UNC5D: variants seen among roughly 807,000 people sequenced by gnomAD.
UNC5D encodes the protein unc-5 netrin receptor D.
A neutral mutation model predicts 105.4 loss-of-function variants in UNC5D; 39 were observed. That is an observed-to-expected ratio of 0.37 (90% CI 0.29 to 0.48). The LOEUF is 0.48. Among genes scored for constraint, UNC5D ranks in the 20% least tolerant of loss-of-function variants. The probability of loss-of-function intolerance (pLI) is 0.98; values close to 1 mark genes in which losing one functional copy is unlikely to be tolerated. For missense variants in UNC5D, 991 were observed against 1,202.4 expected (o/e 0.82, Z 2.60); for synonymous variants, 452 against 450.4 (o/e 1.00, Z -0.04).
At chr8:35,519,919 T>C (rs1330102808) in intron 1 of UNC5D, among the ~76,000 whole-genome samples, 1 of 152,024 alleles carries the variant, frequency 6.6e-6, no homozygotes, top group African/African-American at 2.4e-5. Context: ...TGATAATAAG[T>C]GTTTGCAAGG....
At chr8:35,722,433 G>A in intron 9 of UNC5D, 38 bp downstream of exon 9, 1 of 1,596,210 alleles carries the variant, frequency 6.3e-7, no homozygotes, top group Non-Finnish European at 8.5e-7. Context: ...CGTCCTCAGT[G>A]CCATAGACTA....
intron 4 of UNC5D, among the ~76,000 whole-genome samples, chr8:35,641,221 C>T (rs1278838524): frequency 1.3e-5 from 2 of 151,856 alleles, no homozygotes; most frequent in Admixed American, 1.3e-4. Flanking sequence ...TATTCATCTC[C>T]TCATTTGATA....
chr8:35,473,665 G>A (rs552763324), intron 1 of UNC5D, among the ~76,000 whole-genome samples: 9 of 152,256 alleles, frequency 5.9e-5, no homozygotes, highest in Middle Eastern at 3.4e-3. Context: ...AAACCACCAG[G>A]ATGATTACAT....
At chr8:35,715,940 A>T (rs1159587706) in intron 8 of UNC5D, among the ~76,000 whole-genome samples, 1 of 152,208 alleles carries the variant, frequency 6.6e-6, no homozygotes, top group East Asian at 1.9e-4. Context: ...AACAAAGTTC[A>T]GAGCAGCTGT....
At chr8:35,248,621 T>A (rs1347468756) in intron 1 of UNC5D, among the ~76,000 whole-genome samples, 2 of 96,472 alleles carry the variant, frequency 2.1e-5, no homozygotes, top group Non-Finnish European at 3.6e-5. Flanking sequence ...AGATATAATA[T>A]ATAAATATAT....
At chr8:35,610,597 T>C (rs1336941580) in intron 4 of UNC5D, among the ~76,000 whole-genome samples, 28 of 151,994 alleles carry the variant, frequency 1.8e-4, no homozygotes, top group Admixed American at 1.8e-3. Flanking sequence ...TCCTAGGAGA[T>C]CGGATGCCTA....
Position 35,686,531 on chromosome 8 carries a change from G to C in UNC5D, c.920-14G>C. 6.5e-7 allele frequency: 1 copy of C among 1,546,562 alleles called. No homozygotes were observed. The highest frequency in any genetic ancestry group is 8.7e-7 in the Non-Finnish European group (1 of 1,154,396). ...ATTCATTCTAACAATGGTTTCTTTT[G>C]TTTCCCTTTGAAGTGGATGGGAGCT... On this transcript the variant is annotated splice_polypyrimidine_tract_variant and intron_variant, in intron 6 of 16. Transcript: ENST00000404895.
intron 4 of UNC5D, among the ~76,000 whole-genome samples, chr8:35,606,936 A>G (rs1001179623): frequency 2.0e-5 from 3 of 152,164 alleles, no homozygotes; most frequent in Non-Finnish European, 4.4e-5. Flanking sequence ...GGTGAGCAGC[A>G]TGCCCATCTG....
chr8:35,538,961 T>C (rs578059815), intron 1 of UNC5D, among the ~76,000 whole-genome samples: 17 of 152,152 alleles, frequency 1.1e-4, no homozygotes, highest in South Asian at 8.3e-4. Context: ...ACTAAAGATA[T>C]AAATTTTGGT....
rs1274180096 is a variant in UNC5D at position 35,306,153 on chromosome 8, A to G, written c.103+70266A>G. ...GAATTTGTCTTAAACTATACAGAAGACTGAATAAATGATTTGAGGTATATG... is the reference window on the plus strand; with the variant it reads ...GAATTTGTCTTAAACTATACAGAAGGCTGAATAAATGATTTGAGGTATATG... On this transcript the variant is annotated intron_variant, in intron 1 of 16. Transcript: ENST00000404895. Among the ~76,000 whole-genome samples the G allele has an allele frequency of 3.3e-5, 5 of 151,966 alleles. 1 individual carries two copies. In the Middle Eastern group the frequency reaches 0.01, roughly 310 times the overall value.
intron 1 of UNC5D, among the ~76,000 whole-genome samples, chr8:35,272,226 G>A (rs951802376): frequency 3.3e-5 from 5 of 152,172 alleles, no homozygotes; most frequent in African/African-American, 1.2e-4. Flanking sequence ...ATTACTTGAA[G>A]TATATTTTCA....
At chr8:35,295,930 G>A (rs1467701754) in intron 1 of UNC5D, among the ~76,000 whole-genome samples, 2 of 152,218 alleles carry the variant, frequency 1.3e-5, no homozygotes, top group East Asian at 3.9e-4. Flanking sequence ...CAGTATTTGT[G>A]TTTCCCTGTC....
intron 1 of UNC5D, among the ~76,000 whole-genome samples, chr8:35,245,416 C>T (rs1428203610): frequency 6.6e-6 from 1 of 152,040 alleles, no homozygotes; most frequent in Admixed American, 6.6e-5. Context: ...GCCCTTGTTT[C>T]TCTCTCAGTC....
chr8:35,486,937 G>T (rs1446367313), intron 1 of UNC5D, among the ~76,000 whole-genome samples: 1 of 152,088 alleles, frequency 6.6e-6, no homozygotes, highest in Non-Finnish European at 1.5e-5. Flanking sequence ...TGTGAGATGG[G>T]ATTCTCAGTT....
At position 35,669,593 on chromosome 8, in the gene UNC5D, C is replaced by T. The variant is rs553333776; in HGVS notation, c.571-13954C>T. On this transcript the variant is annotated intron_variant, in intron 4 of 16. Transcript: ENST00000404895. Reference sequence around the variant, plus strand: ...CCCTTCAAGCCACTGTAATTTCTCCCTGCCATTGTTACAGTGTCCCAATGA... The same window carrying T: ...CCCTTCAAGCCACTGTAATTTCTCCTTGCCATTGTTACAGTGTCCCAATGA... 1.5e-4 allele frequency among the ~76,000 whole-genome samples: 23 copies of T among 152,184 alleles called. 1 individual carries two copies. In the South Asian group the frequency reaches 4.8e-3, roughly 32 times the overall value.
At chr8:35,604,153 A>G (rs990010712) in intron 4 of UNC5D, among the ~76,000 whole-genome samples, 1 of 152,002 alleles carries the variant, frequency 6.6e-6, no homozygotes, top group Non-Finnish European at 1.5e-5. Context: ...GGTCTTTACA[A>G]TTTGGCATGT....
chr8:35,394,314 A>G (rs1803968717), intron 1 of UNC5D, among the ~76,000 whole-genome samples: 1 of 152,188 alleles, frequency 6.6e-6, no homozygotes, highest in Non-Finnish European at 1.5e-5. Context: ...GTAAAATTCT[A>G]TTTGTGGTAT....
chr8:35,539,337 A>C (rs1815099221), intron 1 of UNC5D, among the ~76,000 whole-genome samples: 1 of 152,198 alleles, frequency 6.6e-6, no homozygotes, highest in Non-Finnish European at 1.5e-5. Flanking sequence ...ATATCATAAA[A>C]TGTTAACTAT....
rs1439238004 is a variant in UNC5D, at chr8:35,684,798, T to C, written c.919+49T>C. The C allele has an allele frequency of 2.0e-6, 3 of 1,534,768 alleles. No individual in the cohort carries two copies. The Admixed American group carries it at 5.9e-5, about 30-fold the overall frequency. On this transcript the variant is annotated intron_variant, in intron 6 of 16. Coordinates refer to ENST00000404895, the MANE Select transcript of UNC5D (RefSeq NM_080872.4). ...TTCCCTTCTGATCCACCAACACTATTAAGCTGGTGTGAAACAATCAATGTT... is the reference window on the plus strand; with the variant it reads ...TTCCCTTCTGATCCACCAACACTATCAAGCTGGTGTGAAACAATCAATGTT...
Sources: gnomAD v4.1 joint callset for allele counts (sites outside exome capture counted in the v4.1 genomes callset) on GRCh38, gnomAD v4.1.1 for gene constraint, MANE v1.5 for transcripts, NCBI Gene and HGNC (gene_info 2026-07-23, HGNC 2026-07-21) for gene names.